PLCH1: variants seen among roughly 807,000 people sequenced by gnomAD.
The protein encoded by PLCH1 is phospholipase C eta 1.
A neutral mutation model predicts 126.7 loss-of-function variants in PLCH1; 60 were observed. The observed-to-expected ratio is 0.47, with a 90% CI of 0.38 to 0.59. PLCH1 has a LOEUF of 0.59. Among genes scored for constraint, PLCH1 ranks in the 20% least tolerant of loss-of-function variants. The pLI is 0.00. For synonymous variants in PLCH1, 719 were observed against 734.9 expected, an observed-to-expected ratio of 0.98 and a Z score of 0.35; for missense variants, 1,723 against 2,040.0, an observed-to-expected ratio of 0.84 and a Z score of 2.99.
intron 10 of PLCH1, among the ~76,000 whole-genome samples, chr3:155,542,778 G>C (rs1251547797): frequency 6.6e-6 from 1 of 152,164 alleles, no homozygotes; most frequent in African/African-American, 2.4e-5. Flanking sequence ...AGGCAAACAG[G>C]GTCTGGAGTG....
At chr3:155,709,038 T>C (rs1045600370) in intron 1 of PLCH1, among the ~76,000 whole-genome samples, 8 of 152,218 alleles carry the variant, frequency 5.3e-5, no homozygotes, top group African/African-American at 1.9e-4. Context: ...ACACAGTACA[T>C]AGCCTTTTCC....
intron 12 of PLCH1, among the ~76,000 whole-genome samples, chr3:155,514,321 C>T (rs1720012488): frequency 6.6e-6 from 1 of 152,184 alleles, no homozygotes; most frequent in Admixed American, 6.5e-5. Context: ...CGGTCACCCC[C>T]ATATGATCTT....
chr3:155,563,873 C>T (rs1209822266), intron 8 of PLCH1, among the ~76,000 whole-genome samples: 2 of 152,036 alleles, frequency 1.3e-5, no homozygotes, highest in Non-Finnish European at 2.9e-5. Context: ...TTCTCTATAC[C>T]ACCACTTCTA....
At chr3:155,711,392 G>C (rs1459667705) in intron 1 of PLCH1, among the ~76,000 whole-genome samples, 2 of 152,102 alleles carry the variant, frequency 1.3e-5, no homozygotes, top group East Asian at 3.8e-4. Context: ...TGTGGCAGTA[G>C]GGACACCACC....
In PLCH1 at chr3:155,616,163, A is replaced by G. The variant is rs115924446; in HGVS notation, c.80-19785T>C. ...TCCTACACTCTACACCTGATACATA[A>G]TTAAAATTACTTACACTAAAAATAA... On this transcript the variant is annotated intron_variant, in intron 2 of 22. Coordinates refer to ENST00000460012, the MANE Select transcript of PLCH1 (RefSeq NM_014996.4). 2.2e-3 allele frequency among the ~76,000 whole-genome samples: 335 copies of G among 152,312 alleles called. 2 individuals carry two copies. Among genetic ancestry groups the G allele is most frequent in the Admixed American group, 3.6e-3 (55 of 15,290 alleles).
At chr3:155,660,551 A>G (rs1183188879) in intron 2 of PLCH1, among the ~76,000 whole-genome samples, 2 of 152,198 alleles carry the variant, frequency 1.3e-5, no homozygotes, top group East Asian at 3.8e-4. Flanking sequence ...GCCCCTGAAA[A>G]ACATATACTT....
Position 155,643,138 on chromosome 3 carries a change from G to A in PLCH1, c.80-46760C>T, listed in dbSNP as rs546826253. ...TAATTTTTTTATTTTTAGTAGAGGC[G>A]GGGTTTCACCATGTTGGCCAGGCTG... On this transcript the variant is annotated intron_variant, in intron 2 of 22. Transcript: ENST00000460012. 1.9e-3 allele frequency among the ~76,000 whole-genome samples: 285 copies of A among 152,112 alleles called. 1 individual carries two copies. The highest frequency in any genetic ancestry group is 5.1e-3 in the African/African-American group (212 of 41,504).
chr3:155,480,721 C>G lies in PLCH1; in HGVS notation c.*247G>C. ...TGAGGAGTTTCACATCTAGGGCATG[C>G]ACATATTTCATACTGATACAGTTTA... On this transcript the variant is annotated 3_prime_UTR_variant, in exon 23 of 23. Transcript: ENST00000460012. The G allele has an allele frequency of 2.3e-6, 1 of 442,410 alleles. No homozygotes were observed. The highest frequency in any genetic ancestry group is 3.7e-5 in the South Asian group (1 of 27,348). The allele number at this position is 442,410 out of a possible 1,614,324, so 27.4% of individuals were successfully genotyped here. A position where few individuals can be genotyped will look rare whatever the true frequency, so the allele number is the denominator to read the frequency against.
chr3:155,709,699 C>A (rs1413003910), intron 1 of PLCH1, among the ~76,000 whole-genome samples: 1 of 152,142 alleles, frequency 6.6e-6, no homozygotes, highest in Non-Finnish European at 1.5e-5. Flanking sequence ...TCAACTGCAG[C>A]CTCGACCTCC....
chr3:155,621,986 CA>C (rs1192550273), intron 2 of PLCH1, among the ~76,000 whole-genome samples: 1 of 152,008 alleles, frequency 6.6e-6, no homozygotes, highest in Non-Finnish European at 1.5e-5. Flanking sequence ...TGAAATGAAG[CA>C]AAAAATGTTA....
In PLCH1 at chr3:155,509,071, T is replaced by G. The variant is rs1171683626; in HGVS notation, c.1633-4445A>C. 6.1e-3 allele frequency among the ~76,000 whole-genome samples: 820 copies of G among 133,928 alleles called. 24 individuals are homozygous for G. Among genetic ancestry groups the G allele is most frequent in the Non-Finnish European group, 9.0e-3 (567 of 63,080 alleles). 87.9% of individuals were successfully genotyped at this position (133,928 alleles called of 152,430 possible). A position where few individuals can be genotyped will look rare whatever the true frequency, so the allele number is the denominator to read the frequency against. Reference sequence around the variant, plus strand: ...TATTCAGAGATTCAACTTCTTCCTGTTTTAGTCTTGGGAGAGTGTATGTGT... The same window carrying G: ...TATTCAGAGATTCAACTTCTTCCTGGTTTAGTCTTGGGAGAGTGTATGTGT... On this transcript the variant is annotated intron_variant, in intron 12 of 22. Coordinates refer to ENST00000460012, the MANE Select transcript of PLCH1 (RefSeq NM_014996.4).
chr3:155,655,898 GA>G (rs2108915701), intron 2 of PLCH1, among the ~76,000 whole-genome samples: 1 of 152,074 alleles, frequency 6.6e-6, no homozygotes, highest in African/African-American at 2.4e-5. Flanking sequence ...ATTCTTTGGA[GA>G]AAAATCAATA....
intron 1 of PLCH1, chr3:155,742,723 T>C (rs1296560088): frequency 6.6e-6 from 1 of 152,272 alleles, no homozygotes; most frequent in Admixed American, 6.5e-5. Flanking sequence ...GACTTATTTT[T>C]AAACATTTGA....
intron 2 of PLCH1, among the ~76,000 whole-genome samples, chr3:155,622,775 G>C (rs1736689222): frequency 1.3e-5 from 2 of 152,106 alleles, no homozygotes; most frequent in Admixed American, 6.6e-5. Flanking sequence ...AGTTCTTATA[G>C]ACCTACAAAG....
Position 155,494,355 on chromosome 3 carries a change from T to C in PLCH1, c.2057A>G (p.Asn686Ser). ...ATACACACCTAGCTGGCAGCCTGCG[T>C]TCCAGTAGGGGAGAGGGTTGAAGTT... ...SSNFNPLPYW[N>S]AGCQLVALNY... Residue 686 changes from asparagine to serine, a missense_variant, in exon 16 of 23, where the codon AAC (asparagine) becomes AGC (serine). Coordinates refer to ENST00000460012, the MANE Select transcript of PLCH1 (RefSeq NM_014996.4). 1 of 1,614,152 alleles carries C rather than the reference T, an allele frequency of 6.2e-7. No homozygotes were observed. The highest frequency in any genetic ancestry group is 8.5e-7 in the Non-Finnish European group (1 of 1,179,998).
chr3:155,640,439 ACG>A (rs1739268288), intron 2 of PLCH1, among the ~76,000 whole-genome samples: 1 of 152,122 alleles, frequency 6.6e-6, no homozygotes, highest in African/African-American at 2.4e-5. Context: ...GAGCCACTGA[ACG>A]TTTTAAGCAG....
intron 2 of PLCH1, among the ~76,000 whole-genome samples, chr3:155,612,355 A>G (rs1735216546): frequency 6.6e-6 from 1 of 151,266 alleles, no homozygotes; most frequent in East Asian, 1.9e-4. Context: ...AGAAGAGGAA[A>G]CTTCATAGCA....
At chr3:155,605,303 C>T (rs1335450136) in intron 2 of PLCH1, among the ~76,000 whole-genome samples, 6 of 152,116 alleles carry the variant, frequency 3.9e-5, no homozygotes, top group Admixed American at 1.3e-4. Context: ...ACCATAAGCC[C>T]ATTTCTGAGA....
chr3:155,451,884 C>T (rs1359417252), intron 21 of PLCH1, among the ~76,000 whole-genome samples: 1 of 152,140 alleles, frequency 6.6e-6, no homozygotes, highest in Non-Finnish European at 1.5e-5. Context: ...AGCTCACTTG[C>T]TTCTCAGGCC....
Sources: gnomAD v4.1 joint callset for allele counts (sites outside exome capture counted in the v4.1 genomes callset) on GRCh38, gnomAD v4.1.1 for gene constraint, MANE v1.5 for transcripts, NCBI Gene and HGNC (gene_info 2026-07-23, HGNC 2026-07-21) for gene names.